Variants in FBXL20 observed in about 807,000 individuals in gnomAD.
The protein encoded by FBXL20 is F-box/LRR-repeat protein 20.
A neutral mutation model predicts 64.0 loss-of-function variants in FBXL20; 11 were observed. The ratio of observed to expected loss-of-function variants is 0.17; its 90% CI spans 0.11 to 0.28. The LOEUF (loss-of-function observed/expected upper bound fraction) is 0.28. FBXL20 is among the 10% of genes least tolerant of loss of function. FBXL20 has a pLI of 1.00. For missense variants in FBXL20, 303 were observed against 526.2 expected, an observed-to-expected ratio of 0.58 and a Z score of 4.15; for synonymous variants, 184 against 189.0, an observed-to-expected ratio of 0.97 and a Z score of 0.22.
intron 2 of FBXL20, among the ~76,000 whole-genome samples, chr17:39,315,412 T>TATATATATATAG (rs1567876178): frequency 2.7e-5 from 4 of 148,992 alleles, no homozygotes; most frequent in Admixed American, 6.7e-5. Context: ...TATATATATA[T>TATATATATATAG]AGTACATGTC....
intron 6 of FBXL20, among the ~76,000 whole-genome samples, chr17:39,290,992 C>T (rs954290638): frequency 2.0e-5 from 3 of 150,136 alleles, no homozygotes; most frequent in African/African-American, 4.9e-5. Context: ...GACAGAGTGT[C>T]GCTCTGTCGC....
At chr17:39,326,436 A>G (rs897231198) in intron 2 of FBXL20, among the ~76,000 whole-genome samples, 4 of 151,910 alleles carry the variant, frequency 2.6e-5, no homozygotes, top group African/African-American at 7.2e-5. Context: ...CCTGGGCAAC[A>G]TGGTGAAAAC....
At chr17:39,356,607 T>C (rs1328424059) in intron 1 of FBXL20, among the ~76,000 whole-genome samples, 1 of 152,062 alleles carries the variant, frequency 6.6e-6, no homozygotes. Flanking sequence ...CTGTCTGCCT[T>C]GGCCTCCCAG....
rs929105203 is a variant in FBXL20, at chr17:39,258,259, C to T, written c.*3201G>A. 4 of 152,334 alleles carry T rather than the reference C, an allele frequency of 2.6e-5. No homozygotes were observed. Among genetic ancestry groups the T allele is most frequent in the African/African-American group, 7.2e-5 (3 of 41,574 alleles). The allele number at this position is 152,334 out of a possible 1,614,324, so 9.4% of individuals were successfully genotyped here. On this transcript the variant is annotated 3_prime_UTR_variant, in exon 15 of 15. Transcript: ENST00000264658. ...GTATCCCAGATGTTGAGAGAGGAAGCATTATGTTCAGATGTCAGGCTCCTT... is the reference window on the plus strand; with the variant it reads ...GTATCCCAGATGTTGAGAGAGGAAGTATTATGTTCAGATGTCAGGCTCCTT...
chr17:39,265,218 C>A (rs994662798), intron 13 of FBXL20, among the ~76,000 whole-genome samples, 179 bp downstream of exon 13: 1 of 152,156 alleles, frequency 6.6e-6, no homozygotes, highest in Non-Finnish European at 1.5e-5. Flanking sequence ...TTAACTTTTT[C>A]AGTTCTTATC....
At chr17:39,374,763 C>T (rs528315778) in intron 1 of FBXL20, among the ~76,000 whole-genome samples, 3 of 152,072 alleles carry the variant, frequency 2.0e-5, no homozygotes, top group African/African-American at 7.2e-5. Flanking sequence ...AGAATTTAAG[C>T]GGACAGCTCA....
At position 39,401,467 on chromosome 17, in the gene FBXL20, G is replaced by A. The variant is rs1410941193; in HGVS notation, c.-65C>T. 1.2e-5 allele frequency: 19 copies of A among 1,541,348 alleles called. No individual in the cohort carries two copies. Among genetic ancestry groups the A allele is most frequent in the Non-Finnish European group, 1.7e-5 (19 of 1,145,020 alleles). Reference sequence around the variant, plus strand: ...GCGGAGTGCACAGACCGGGGGCCCAGGACAGGCCCGGGAGTTCCGGGACGG... The same window carrying A: ...GCGGAGTGCACAGACCGGGGGCCCAAGACAGGCCCGGGAGTTCCGGGACGG... On this transcript the variant is annotated 5_prime_UTR_variant, in exon 1 of 15. Coordinates refer to ENST00000264658, the MANE Select transcript of FBXL20 (RefSeq NM_032875.3).
intron 1 of FBXL20, among the ~76,000 whole-genome samples, chr17:39,350,056 A>T (rs1002810975): frequency 6.6e-6 from 1 of 152,196 alleles, no homozygotes; most frequent in Non-Finnish European, 1.5e-5. Flanking sequence ...AAAAAGTAAA[A>T]CTTAATCATT....
Position 39,299,014 on chromosome 17 carries a change from A to G in FBXL20, c.305T>C (p.Leu102Pro). 1 of 1,613,814 alleles carries G rather than the reference A, an allele frequency of 6.2e-7. No homozygotes were observed. The highest frequency in any genetic ancestry group is 1.7e-4 in the Middle Eastern group (1 of 6,060). ...CCTTAATGCATTGTCTCCCACTCCA[A>G]GACATCCACGAAGACTTAACTTTCG... is the stretch of plus-strand genomic sequence containing the variant. ...FLRKLSLRGC[L>P]GVGDNALRTF... Residue 102 changes from leucine to proline, a missense_variant, in exon 5 of 15, where the codon CTT becomes CCT. Leu to Pro is a moderately conservative substitution (Grantham distance 98). Around this residue, in one of 3 missense-constraint regions of FBXL20, gnomAD observed 246 missense variants for 422.6 expected, o/e 0.58. Coordinates refer to ENST00000264658, the MANE Select transcript of FBXL20 (RefSeq NM_032875.3).
chr17:39,290,062 C>T (rs2047025010), intron 6 of FBXL20, among the ~76,000 whole-genome samples: 1 of 134,796 alleles, frequency 7.4e-6, no homozygotes, highest in Admixed American at 7.6e-5. Context: ...TTACTTAAGT[C>T]TTTTTAAAAT....
At chr17:39,293,225 CT>C (rs113511127) in intron 6 of FBXL20, among the ~76,000 whole-genome samples, 213 of 135,116 alleles carry the variant, frequency 1.6e-3, no homozygotes, top group Middle Eastern at 8.1e-3. Flanking sequence ...TTTTGGATCA[CT>C]TTTTTTTTTT....
intron 1 of FBXL20, among the ~76,000 whole-genome samples, chr17:39,356,354 A>G (rs1324155226): frequency 6.6e-6 from 1 of 151,774 alleles, no homozygotes; most frequent in Non-Finnish European, 1.5e-5. Flanking sequence ...CAATTGTTTC[A>G]CCACCATCTG....
chr17:39,298,313 A>G (rs918000963), intron 5 of FBXL20, among the ~76,000 whole-genome samples: 2 of 152,102 alleles, frequency 1.3e-5, no homozygotes, highest in Middle Eastern at 6.8e-3. Flanking sequence ...TAGAGATGGG[A>G]GCCTTGCCAT....
chr17:39,358,929 C>T (rs748633272), intron 1 of FBXL20, among the ~76,000 whole-genome samples: 32 of 152,118 alleles, frequency 2.1e-4, no homozygotes, highest in Non-Finnish European at 3.4e-4. Context: ...AGAAAATATA[C>T]AAGGGACCGA....
At chr17:39,290,984 CAG>C (rs1366590028) in intron 6 of FBXL20, among the ~76,000 whole-genome samples, 1 of 148,796 alleles carries the variant, frequency 6.7e-6, no homozygotes, top group Non-Finnish European at 1.5e-5. Context: ...TTTTTTAAGA[CAG>C]AGTGTCGCTC....
rs138453613 is a variant in FBXL20, at chr17:39,288,519, C to T, written c.399-2946G>A. 1.5e-3 allele frequency among the ~76,000 whole-genome samples: 228 copies of T among 152,160 alleles called. 2 individuals are homozygous for T. The Middle Eastern group carries it at 0.02, about 14-fold the overall frequency. ...TAGAGTTGGAGTCTTGCCAGAAACA[C>T]CAGTCAGGCTAGATTTGCTCTTCTG... On this transcript the variant is annotated intron_variant, in intron 6 of 14. Coordinates refer to ENST00000264658, the MANE Select transcript of FBXL20 (RefSeq NM_032875.3).
At chr17:39,350,015 T>C (rs1314954084) in intron 1 of FBXL20, among the ~76,000 whole-genome samples, 2 of 151,408 alleles carry the variant, frequency 1.3e-5, no homozygotes, top group Non-Finnish European at 2.9e-5. Context: ...AAACACTCAA[T>C]CTACTAGAAC....
chr17:39,262,804 C>G (rs1382218641), intron 14 of FBXL20, among the ~76,000 whole-genome samples: 1 of 150,968 alleles, frequency 6.6e-6, no homozygotes, highest in Non-Finnish European at 1.5e-5. Context: ...CGAGACCATC[C>G]TGGCTAACAC....
At chr17:39,329,338 T>C (rs989262791) in intron 2 of FBXL20, among the ~76,000 whole-genome samples, 5 of 152,162 alleles carry the variant, frequency 3.3e-5, no homozygotes, top group African/African-American at 1.2e-4. Flanking sequence ...AAACTGTCAA[T>C]GTTGTGAAAG....
Sources: gnomAD v4.1 joint callset for allele counts (sites outside exome capture counted in the v4.1 genomes callset) on GRCh38, gnomAD v4.1.1 for gene constraint, gnomAD v4.1.1 regional missense constraint, MANE v1.5 for transcripts, NCBI Gene and HGNC (gene_info 2026-07-23, HGNC 2026-07-21) for gene names.